The following IGF2R variants were observed in gnomAD, a reference collection of about 807,000 sequenced individuals.
IGF2R encodes insulin like growth factor 2 receptor, also known as cation-independent mannose-6-phosphate receptor.
In IGF2R, 91 loss-of-function variants were observed where a neutral mutation model predicts 270.6. The observed-to-expected ratio is 0.34, with a 90% CI of 0.28 to 0.40. The LOEUF (loss-of-function observed/expected upper bound fraction) is 0.40. Ranked by LOEUF, IGF2R falls within the 10% of genes least tolerant of loss-of-function variation. The probability of loss-of-function intolerance (pLI) is 1.00; values close to 1 mark genes in which losing one functional copy is unlikely to be tolerated. For missense variants in IGF2R, 2,805 were observed against 3,188.3 expected, an observed-to-expected ratio of 0.88 and a Z score of 2.90; for synonymous variants, 1,316 against 1,258.9, an observed-to-expected ratio of 1.05 and a Z score of -0.96.
intron 16 of IGF2R, among the ~76,000 whole-genome samples, chr6:160,047,568 T>TA (rs971734258): frequency 2.0e-5 from 3 of 151,692 alleles, no homozygotes; most frequent in South Asian, 2.1e-4. Context: ...TACAAAAGCA[T>TA]AAAAAAAAAT....
chr6:160,041,918 A>G lies in IGF2R; in HGVS notation c.1480+1194A>G, dbSNP rs980061339. Among the ~76,000 whole-genome samples the G allele has an allele frequency of 7.9e-5, 12 of 151,626 alleles. No individual in the cohort carries two copies. The East Asian group carries it at 2.1e-3, about 27-fold the overall frequency. ...GACTGGTGTTGCCGCATCCAACCAC[A>G]TTTGCTTGAGCGAGCTGCTCTCCAG... On this transcript the variant is annotated intron_variant, in intron 11 of 47. Coordinates refer to ENST00000356956, the MANE Select transcript of IGF2R (RefSeq NM_000876.4).
chr6:160,027,372 T>G (rs1777585802), intron 6 of IGF2R, 58 bp downstream of exon 6: 15 of 1,539,746 alleles, frequency 9.7e-6, no homozygotes, highest in Non-Finnish European at 1.3e-5. Flanking sequence ...GACCTGACTT[T>G]CAGGGAGCTG....
chr6:160,070,505 C>T (rs1441329028), intron 31 of IGF2R, among the ~76,000 whole-genome samples: 1 of 152,202 alleles, frequency 6.6e-6, no homozygotes, highest in East Asian at 1.9e-4. Context: ...GCATACTTGT[C>T]CTGCCCATTG....
intron 11 of IGF2R, among the ~76,000 whole-genome samples, chr6:160,042,419 T>G (rs1411468278): frequency 6.6e-6 from 1 of 152,226 alleles, no homozygotes; most frequent in African/African-American, 2.4e-5. Context: ...GAACGTGTAT[T>G]TTTATATCTT....
chr6:160,065,046 G>A (rs1778534278), intron 29 of IGF2R, 145 bp downstream of exon 29: 3 of 631,028 alleles, frequency 4.8e-6, no homozygotes, highest in African/African-American at 1.8e-5. Context: ...ATGAGGAGTC[G>A]GGCTAGGTTA....
At chr6:160,009,207 A>G in intron 3 of IGF2R, 73 bp downstream of exon 3, 1 of 1,339,058 alleles carries the variant, frequency 7.5e-7, no homozygotes, top group South Asian at 1.5e-5. Context: ...CTGGCTGTAG[A>G]GGTATTCCAG....
At chr6:159,975,525 G>C (rs1269562646) in intron 1 of IGF2R, among the ~76,000 whole-genome samples, 1 of 151,878 alleles carries the variant, frequency 6.6e-6, no homozygotes, top group African/African-American at 2.4e-5. Flanking sequence ...GAAGATGAGA[G>C]TCCTACCTTG....
chr6:160,043,175 A>G lies in IGF2R; in HGVS notation c.1508A>G (p.Asp503Gly). Residue 503 changes from aspartate (D) to glycine (G), a missense_variant, in exon 12 of 48, where the codon GAT becomes GGT. Transcript: ENST00000356956. ...AEPEQNWEAV[D>G]GSQTETEKKH... ...CCAGAGCAGAATTGGGAAGCTGTGG[A>G]TGGCAGTCAGACGGAAACAGAGAAG... 1.2e-6 allele frequency: 2 copies of G among 1,614,246 alleles called. No individual in the cohort carries two copies. Among genetic ancestry groups the G allele is most frequent in the Middle Eastern group, 3.3e-4 (2 of 6,062 alleles).
chr6:159,988,499 T>A (rs1437411806), intron 1 of IGF2R, among the ~76,000 whole-genome samples: 42 of 116,266 alleles, frequency 3.6e-4, no homozygotes, highest in Non-Finnish European at 5.8e-4. Context: ...GGCGACAGAG[T>A]GAGACTCCGT....
At chr6:160,016,304 C>T (rs777962469) in intron 4 of IGF2R, among the ~76,000 whole-genome samples, 1 of 152,190 alleles carries the variant, frequency 6.6e-6, no homozygotes, top group Non-Finnish European at 1.5e-5. Context: ...CCTGGAGGCC[C>T]GCTGATCACC....
intron 3 of IGF2R, 86 bp downstream of exon 3, chr6:160,009,220 A>G (rs1784295039): frequency 8.6e-7 from 1 of 1,159,812 alleles, no homozygotes; most frequent in Non-Finnish European, 1.2e-6. Context: ...TATTCCAGGA[A>G]GAATCAGTGA....
rs530609278 is a variant in IGF2R, at chr6:160,032,382, A to G, written c.883-169A>G. Among the ~76,000 whole-genome samples the G allele has an allele frequency of 1.5e-4, 23 of 152,400 alleles. 1 individual carries two copies. In the South Asian group the frequency reaches 3.9e-3, roughly 26 times the overall value. ...TTAAAAGTAACTTTACTGAGTTGTT[A>G]TAAGTCAAATAATCTTAATGTGTTA... On this transcript the variant is annotated intron_variant, in intron 7 of 47. Coordinates refer to ENST00000356956, the MANE Select transcript of IGF2R (RefSeq NM_000876.4).
At chr6:160,073,177 T>G in intron 33 of IGF2R, 36 bp from the exon 34 acceptor site, 3 of 1,603,442 alleles carry the variant, frequency 1.9e-6, no homozygotes, top group Non-Finnish European at 2.6e-6. Flanking sequence ...ATCGAGTCTG[T>G]GATTGTGTTT....
chr6:159,986,232 C>CT (rs34949766), intron 1 of IGF2R, among the ~76,000 whole-genome samples: 2,181 of 138,696 alleles, frequency 0.016, 30 homozygotes, highest in African/African-American at 0.043. Flanking sequence ...TGCTGCAGAA[C>CT]TTTTTTTTTT....
chr6:160,088,650 G>A (rs1779147610), intron 42 of IGF2R, among the ~76,000 whole-genome samples: 1 of 152,178 alleles, frequency 6.6e-6, no homozygotes, highest in Non-Finnish European at 1.5e-5. Flanking sequence ...TCCAGACGCT[G>A]AGTTTGGAAA....
At chr6:160,099,462 G>A (rs1286484818) in intron 45 of IGF2R, among the ~76,000 whole-genome samples, 3 of 152,088 alleles carry the variant, frequency 2.0e-5, no homozygotes, top group Admixed American at 6.5e-5. Flanking sequence ...TGCCTCCCAG[G>A]TTCACGCCAT....
intron 12 of IGF2R, among the ~76,000 whole-genome samples, chr6:160,043,646 A>C (rs893490243): frequency 6.6e-6 from 1 of 152,268 alleles, no homozygotes; most frequent in Non-Finnish European, 1.5e-5. Context: ...GAATCGTTCA[A>C]AAGTTATGGC....
At chr6:159,983,933 C>G (rs1583241661) in intron 1 of IGF2R, among the ~76,000 whole-genome samples, 1 of 152,184 alleles carries the variant, frequency 6.6e-6, no homozygotes, top group African/African-American at 2.4e-5. Context: ...AGGCAATGCT[C>G]TGGTGTTTGG....
chr6:159,976,613 T>C (rs1396697349), intron 1 of IGF2R, among the ~76,000 whole-genome samples: 1 of 152,212 alleles, frequency 6.6e-6, no homozygotes, highest in Admixed American at 6.5e-5. Context: ...TGTTTCTTTC[T>C]TCGGAGTACC....
Sources: allele counts gnomAD v4.1 joint callset (sites outside exome capture counted in the v4.1 genomes callset), GRCh38; gene constraint gnomAD v4.1.1; transcripts MANE v1.5; gene names NCBI Gene and HGNC (gene_info 2026-07-23, HGNC 2026-07-21).